Variants in NUBPL observed in about 807,000 individuals in gnomAD.
NUBPL encodes the protein iron-sulfur cluster transfer protein NUBPL.
A neutral mutation model predicts 45.7 loss-of-function variants in NUBPL; 31 were observed. That is an observed-to-expected ratio of 0.68 (90% confidence interval 0.51 to 0.92). The LOEUF (loss-of-function observed/expected upper bound fraction) is 0.92. Among genes scored for constraint, NUBPL ranks in the 40% least tolerant of loss-of-function variants. The probability of loss-of-function intolerance (pLI) is 0.00; values close to 1 mark genes in which losing one functional copy is unlikely to be tolerated. For synonymous variants in NUBPL, 144 were observed against 140.9 expected (o/e 1.02, Z -0.15); for missense variants, 401 against 398.7 (o/e 1.01, Z -0.05).
intron 6 of NUBPL, among the ~76,000 whole-genome samples, chr14:31,674,725 T>C (rs528604771): frequency 1.3e-5 from 2 of 152,320 alleles, no homozygotes; most frequent in South Asian, 4.1e-4. Flanking sequence ...AACACTTCAG[T>C]CATCAGATTT....
rs537065154 is a variant in NUBPL, at chr14:31,638,762, A to G, written c.383-34593A>G. On this transcript the variant is annotated intron_variant, in intron 4 of 10. Coordinates refer to ENST00000281081, the MANE Select transcript of NUBPL (RefSeq NM_025152.3). ...AGATTTGGTGTTTTCACATAGTCCC[A>G]TATCTCTTGAAGGCTTTGTTCGTTT... 1.4e-4 allele frequency among the ~76,000 whole-genome samples: 21 copies of G among 152,240 alleles called. 1 individual carries two copies. Among genetic ancestry groups the G allele is most frequent in the Non-Finnish European group, 2.8e-4 (19 of 68,026 alleles).
chr14:31,698,856 CT>C lies in NUBPL; in HGVS notation c.513+25298del, dbSNP rs753448190. On this transcript the variant is annotated intron_variant, in intron 6 of 10. Transcript: ENST00000281081. ...AGAAGTGACTCAATAGTGACTTACA[CT>C]TTTTTTTTTTTTTTTAAGACAGAGT... Among the ~76,000 whole-genome samples, 606 of 140,506 alleles carry C rather than the reference CT, an allele frequency of 4.3e-3. 3 individuals are homozygous for C. Among genetic ancestry groups the C allele is most frequent in the Middle Eastern group, 0.018 (5 of 280 alleles). 92.2% of individuals were successfully genotyped at this position (140,506 alleles called of 152,430 possible).
intron 6 of NUBPL, 49 bp downstream of exon 6, chr14:31,673,623 T>C (rs764688784): frequency 6.7e-7 from 1 of 1,483,920 alleles, no homozygotes; most frequent in Admixed American, 1.7e-5. Context: ...AAGCTGTGGT[T>C]AATACATTTG....
chr14:31,688,038 A>G (rs893201370), intron 6 of NUBPL, among the ~76,000 whole-genome samples: 1 of 152,208 alleles, frequency 6.6e-6, no homozygotes. Flanking sequence ...CAGCTTATAT[A>G]TGAGTGCAGG....
At chr14:31,643,313 A>G (rs1343751111) in intron 4 of NUBPL, among the ~76,000 whole-genome samples, 1 of 152,050 alleles carries the variant, frequency 6.6e-6, no homozygotes, top group African/African-American at 2.4e-5. Flanking sequence ...TATTATTTTG[A>G]AGTGTGTTCC....
intron 3 of NUBPL, among the ~76,000 whole-genome samples, chr14:31,568,360 CTCGCTGCCA>C (rs1566417955): frequency 1.3e-5 from 2 of 152,184 alleles, no homozygotes; most frequent in African/African-American, 4.8e-5. Context: ...AAAAGTGCAG[CTCGCTGCCA>C]GCACTTATTT....
chr14:31,590,681 G>T (rs1197657222), intron 3 of NUBPL, among the ~76,000 whole-genome samples: 1 of 152,152 alleles, frequency 6.6e-6, no homozygotes, highest in Non-Finnish European at 1.5e-5. Flanking sequence ...TTCTTGTTTA[G>T]TTAGGTTTCT....
chr14:31,683,974 G>T (rs991250941), intron 6 of NUBPL, among the ~76,000 whole-genome samples: 3 of 152,066 alleles, frequency 2.0e-5, no homozygotes, highest in Admixed American at 1.3e-4. Context: ...GAGTAAGGTG[G>T]TTTTTTCTCT....
chr14:31,848,985 G>A (rs1595708569), intron 9 of NUBPL, among the ~76,000 whole-genome samples: 1 of 152,180 alleles, frequency 6.6e-6, no homozygotes, highest in Non-Finnish European at 1.5e-5. Flanking sequence ...GTTTCCTATA[G>A]TCCGAAGTTG....
At chr14:31,799,268 A>C (rs907014631) in intron 7 of NUBPL, among the ~76,000 whole-genome samples, 5 of 152,018 alleles carry the variant, frequency 3.3e-5, no homozygotes, top group African/African-American at 9.7e-5. Context: ...GTGTACATGT[A>C]GTTTCTAGAA....
At chr14:31,799,710 T>G (rs931832931) in intron 7 of NUBPL, among the ~76,000 whole-genome samples, 1 of 152,230 alleles carries the variant, frequency 6.6e-6, no homozygotes, top group African/African-American at 2.4e-5. Flanking sequence ...CATTCAAGCC[T>G]TTATCAGGTC....
At chr14:31,734,585 A>G (rs1312975350) in intron 6 of NUBPL, among the ~76,000 whole-genome samples, 1 of 152,050 alleles carries the variant, frequency 6.6e-6, no homozygotes, top group African/African-American at 2.4e-5. Context: ...TTAGTTTCAT[A>G]TTTCATAAAT....
chr14:31,810,964 G>T (rs1022061042), intron 7 of NUBPL, among the ~76,000 whole-genome samples: 1 of 152,172 alleles, frequency 6.6e-6, no homozygotes, highest in Admixed American at 6.5e-5. Context: ...CTTCTGGCTT[G>T]TAGGGTTTCT....
intron 4 of NUBPL, among the ~76,000 whole-genome samples, chr14:31,614,920 A>T (rs759460507): frequency 4.6e-5 from 7 of 152,270 alleles, no homozygotes; most frequent in East Asian, 1.9e-4. Flanking sequence ...TTTGGAAGAG[A>T]TGATTCTTGG....
chr14:31,815,444 A>T (rs984112490), intron 7 of NUBPL, among the ~76,000 whole-genome samples: 5 of 152,182 alleles, frequency 3.3e-5, no homozygotes, highest in African/African-American at 1.2e-4. Context: ...GGCTGAGACG[A>T]TGGGGTTTTC....
At position 31,602,750 on chromosome 14, in the gene NUBPL, A is replaced by G. The variant is rs539682293; in HGVS notation, c.382+3371A>G. Among the ~76,000 whole-genome samples, 22 of 152,298 alleles carry G rather than the reference A, an allele frequency of 1.4e-4. No individual in the cohort carries two copies. The East Asian group carries it at 2.1e-3, about 15-fold the overall frequency. The stretch of plus-strand genomic sequence containing the variant: ...GGTAGATCCTCATTATTGTCTCTTT[A>G]TATTAAATGTGTGGATATATGGGAT... On this transcript the variant is annotated intron_variant, in intron 4 of 10. Coordinates refer to ENST00000281081, the MANE Select transcript of NUBPL (RefSeq NM_025152.3).
At chr14:31,754,874 C>G (rs1252560170) in intron 6 of NUBPL, among the ~76,000 whole-genome samples, 2 of 120,136 alleles carry the variant, frequency 1.7e-5, no homozygotes, top group African/African-American at 6.4e-5. Context: ...ACAGTCCCCA[C>G]AGTGTGATGT....
intron 2 of NUBPL, among the ~76,000 whole-genome samples, chr14:31,563,974 T>C (rs1450951127): frequency 6.6e-6 from 1 of 152,204 alleles, no homozygotes; most frequent in East Asian, 1.9e-4. Flanking sequence ...AACAGACTTA[T>C]GGGTAAAATA....
intron 8 of NUBPL, chr14:31,846,090 G>A: frequency 3.4e-6 from 1 of 293,824 alleles, no homozygotes; most frequent in Non-Finnish European, 6.5e-6. Flanking sequence ...AGGCCACACA[G>A]TTTTATTTTG....
Sources: gnomAD v4.1 joint callset for allele counts (sites outside exome capture counted in the v4.1 genomes callset) on GRCh38, gnomAD v4.1.1 for gene constraint, MANE v1.5 for transcripts, NCBI Gene and HGNC (gene_info 2026-07-23, HGNC 2026-07-21) for gene names.